The following DNTT variants were observed in gnomAD, a reference collection of about 807,000 sequenced individuals.
DNTT encodes nucleosidetriphosphate:DNA deoxynucleotidylexotransferase.
In DNTT, 47 loss-of-function variants were observed where a neutral mutation model predicts 60.9. The ratio of observed to expected loss-of-function variants is 0.77; its 90% confidence interval spans 0.61 to 0.98. The LOEUF (loss-of-function observed/expected upper bound fraction) is 0.98. Among genes scored for constraint, DNTT ranks in the 50% least tolerant of loss-of-function variants. The pLI is 0.00. For missense variants in DNTT, 665 were observed against 627.5 expected (o/e 1.06, Z -0.64); for synonymous variants, 224 against 221.2 (o/e 1.01, Z -0.11).
At chr10:96,327,750 C>A in intron 7 of DNTT, 150 bp downstream of exon 7, 2 of 1,310,924 alleles carry the variant, frequency 1.5e-6, no homozygotes, top group Non-Finnish European at 2.1e-6. Flanking sequence ...TTCATTTCAG[C>A]AACCCCAAAT....
chr10:96,307,347 T>G (rs1372386526), intron 1 of DNTT, among the ~76,000 whole-genome samples: 3 of 3,076 alleles, frequency 9.8e-4, no homozygotes, highest in African/African-American at 2.9e-3. Context: ...TTTCCAGTTT[T>G]TTTTTTTTTT....
At chr10:96,325,695 A>G (rs781771686) in intron 6 of DNTT, among the ~76,000 whole-genome samples, 9 of 152,244 alleles carry the variant, frequency 5.9e-5, no homozygotes, top group South Asian at 2.1e-4. Flanking sequence ...TGCAGAAATC[A>G]AGGAATGCCC....
In DNTT at chr10:96,315,683, C is replaced by T. The variant is rs76594435; in HGVS notation, c.204-2669C>T. Among the ~76,000 whole-genome samples the T allele has an allele frequency of 4.7e-3, 717 of 151,560 alleles. 7 individuals are homozygous for T. Among genetic ancestry groups the T allele is most frequent in the African/African-American group, 0.016 (664 of 41,340 alleles). On this transcript the variant is annotated intron_variant, in intron 1 of 10. Coordinates refer to ENST00000371174, the MANE Select transcript of DNTT (RefSeq NM_004088.4). ...GTCCCAGGGTTCCTCTTTAACATAC[C>T]CTTCTCCCTCTCAGGGTTAGGTAAA...
chr10:96,328,821 G>A lies in DNTT; in HGVS notation c.1104G>A (p.Trp368Ter), dbSNP rs1175365108. The A allele has an allele frequency of 7.4e-6, 12 of 1,612,470 alleles. No homozygotes were observed. The highest frequency in any genetic ancestry group is 2.2e-5 in the South Asian group (2 of 90,480). ...TTTTACAGAAAGTGATGAACTTATG[G>A]GAAAAGAAGGTGAGAAGAAAGATGA... is the stretch of plus-strand genomic sequence containing the variant. ...EQLLQKVMNL[W>*]EKKGLLLYYD... is the part of the protein sequence containing the mutation. Residue 368 changes from tryptophan to a stop codon, truncating the protein, a stop_gained, in exon 8 of 11, where the codon TGG (tryptophan) becomes TGA (stop). Coordinates refer to ENST00000371174, the MANE Select transcript of DNTT (RefSeq NM_004088.4). LOFTEE classifies it high-confidence loss of function.
At chr10:96,327,320 G>T in intron 6 of DNTT, 148 bp from the exon 7 acceptor site, 1 of 1,205,424 alleles carries the variant, frequency 8.3e-7, no homozygotes, top group Non-Finnish European at 1.2e-6. Flanking sequence ...GAACCACATG[G>T]ACTATTCTGT....
intron 1 of DNTT, among the ~76,000 whole-genome samples, chr10:96,307,758 CAT>C (rs201864849): frequency 1.9e-4 from 16 of 82,184 alleles, no homozygotes; most frequent in African/African-American, 7.4e-4. Context: ...TGTGTGTGTG[CAT>C]ATATATATAT....
intron 8 of DNTT, among the ~76,000 whole-genome samples, chr10:96,330,931 A>G (rs1193715014): frequency 6.6e-6 from 1 of 152,158 alleles, no homozygotes; most frequent in Non-Finnish European, 1.5e-5. Flanking sequence ...ACATCCCAGT[A>G]GCTTGATGAC....
At chr10:96,324,500 G>A (rs970811922) in intron 6 of DNTT, 111 bp downstream of exon 6, 6 of 1,435,190 alleles carry the variant, frequency 4.2e-6, no homozygotes, top group Non-Finnish European at 5.7e-6. Context: ...ACACTTCTTT[G>A]ATGTCCATTG....
At chr10:96,324,815 G>T in intron 6 of DNTT, among the ~76,000 whole-genome samples, 1 of 152,302 alleles carries the variant, frequency 6.6e-6, no homozygotes, top group South Asian at 2.1e-4. Flanking sequence ...TAAGAGTTGT[G>T]GGTGAAGAGT....
chr10:96,319,708 G>A (rs1242584920), intron 3 of DNTT, among the ~76,000 whole-genome samples: 1 of 152,218 alleles, frequency 6.6e-6, no homozygotes, highest in Non-Finnish European at 1.5e-5. Flanking sequence ...ACTGGAATTA[G>A]TCCAAAACAT....
At chr10:96,333,897 C>G (rs1845035954) in intron 9 of DNTT, among the ~76,000 whole-genome samples, 1 of 152,116 alleles carries the variant, frequency 6.6e-6, no homozygotes, top group Admixed American at 6.5e-5. Context: ...GGAATAAACT[C>G]TGTTCTATTG....
intron 6 of DNTT, among the ~76,000 whole-genome samples, 198 bp from the exon 7 acceptor site, chr10:96,327,270 G>T (rs1447818295): frequency 1.3e-5 from 2 of 152,156 alleles, no homozygotes; most frequent in East Asian, 3.8e-4. Flanking sequence ...AGGTTAGAAA[G>T]CAAAGAACCA....
chr10:96,338,028 G>A, intron 10 of DNTT, 110 bp from the exon 11 acceptor site: 1 of 815,656 alleles, frequency 1.2e-6, no homozygotes, highest in Non-Finnish European at 1.9e-6. Flanking sequence ...TTATGTTTGG[G>A]CTGTAATTCA....
chr10:96,320,203 C>T (rs534443129), intron 3 of DNTT, among the ~76,000 whole-genome samples: 1 of 152,326 alleles, frequency 6.6e-6, no homozygotes, highest in Non-Finnish European at 1.5e-5. Flanking sequence ...CGACTACACT[C>T]ATTCATTCAA....
chr10:96,320,387 G>A (rs1258417305), intron 3 of DNTT, among the ~76,000 whole-genome samples: 2 of 152,206 alleles, frequency 1.3e-5, no homozygotes, highest in Non-Finnish European at 2.9e-5. Flanking sequence ...ATGTTTAATA[G>A]CAGTGTACTC....
chr10:96,305,974 C>G (rs899693200), intron 1 of DNTT, among the ~76,000 whole-genome samples: 1 of 152,048 alleles, frequency 6.6e-6, no homozygotes, highest in Non-Finnish European at 1.5e-5. Context: ...AACATCCTTT[C>G]CAAGAAAATC....
At chr10:96,317,426 T>C (rs1219797544) in intron 1 of DNTT, among the ~76,000 whole-genome samples, 1 of 152,208 alleles carries the variant, frequency 6.6e-6, no homozygotes, top group Non-Finnish European at 1.5e-5. Flanking sequence ...TTCGAAAACA[T>C]GTAAATCAAA....
rs148092294 is a variant in DNTT, at chr10:96,324,104, T to G, written c.751-162T>G. ...GACTCACCTGAAATAAAAAATGCCC[T>G]TAAAAATAACCATCACCCACCTGCT... On this transcript the variant is annotated intron_variant, in intron 5 of 10. Coordinates refer to ENST00000371174, the MANE Select transcript of DNTT (RefSeq NM_004088.4). Among the ~76,000 whole-genome samples, 3 of 152,280 alleles carry G rather than the reference T, an allele frequency of 2.0e-5. No individual in the cohort carries two copies. In the East Asian group the frequency reaches 5.8e-4, roughly 29 times the overall value.
chr10:96,317,292 T>G (rs1013800913), intron 1 of DNTT, among the ~76,000 whole-genome samples: 2 of 152,222 alleles, frequency 1.3e-5, no homozygotes, highest in Non-Finnish European at 2.9e-5. Flanking sequence ...TCCTCATTTT[T>G]GAAGTGTGAA....
Sources: allele counts gnomAD v4.1 joint callset (sites outside exome capture counted in the v4.1 genomes callset), GRCh38; gene constraint gnomAD v4.1.1; transcripts MANE v1.5; gene names NCBI Gene and HGNC (gene_info 2026-07-23, HGNC 2026-07-21).